Variants in IRAG1 observed in about 807,000 individuals in gnomAD.
The protein encoded by IRAG1 is inositol 1,4,5-triphosphate receptor associated 1.
IRAG1 carries 62 observed loss-of-function variants against 106.2 expected under a neutral mutation model. The observed-to-expected ratio is 0.58, with a 90% CI of 0.48 to 0.72. The LOEUF is 0.72. Among genes scored for constraint, IRAG1 ranks in the 30% least tolerant of loss-of-function variants. IRAG1 has a pLI of 0.00. For missense variants in IRAG1, 1,064 were observed against 1,140.7 expected, an observed-to-expected ratio of 0.93 and a Z score of 0.97; for synonymous variants, 462 against 443.9, an observed-to-expected ratio of 1.04 and a Z score of -0.51.
At position 10,668,896 on chromosome 11, in the gene IRAG1, C is replaced by G. The variant is rs550734824; in HGVS notation, c.68-16714G>C. Among the ~76,000 whole-genome samples the G allele has an allele frequency of 2.1e-3, 316 of 152,346 alleles. 3 individuals carry two copies. Among genetic ancestry groups the G allele is most frequent in the Non-Finnish European group, 3.6e-3 (244 of 68,026 alleles). On this transcript the variant is annotated intron_variant, in intron 1 of 20. Transcript: ENST00000423302. ...GAAGATGGGGTAAGTGCCAGCAGAC[C>G]TGGCTCTGAGGCTGCCTCCCTCCTG...
In IRAG1 at chr11:10,591,412, A is replaced by C. The variant is rs1163399593; in HGVS notation, c.2240+136T>G. ...AGGTTCTGAAATCTTTGTGGGTTTC[A>C]GACTCCCATTCATTTCCCTTAAAAC... On this transcript the variant is annotated intron_variant, in intron 18 of 20. Transcript: ENST00000423302. 8.7e-6 allele frequency: 7 copies of C among 802,106 alleles called. No individual in the cohort carries two copies. In the East Asian group the frequency reaches 1.9e-4, roughly 22 times the overall value. The allele number at this position is 802,106 out of a possible 1,614,324, so 49.7% of individuals were successfully genotyped here.
intron 4 of IRAG1, among the ~76,000 whole-genome samples, chr11:10,630,934 G>A (rs1564918027): frequency 6.6e-6 from 1 of 152,176 alleles, no homozygotes; most frequent in Non-Finnish European, 1.5e-5. Flanking sequence ...TTGGCCACAG[G>A]GATTGGCTCG....
intron 12 of IRAG1, among the ~76,000 whole-genome samples, 179 bp downstream of exon 12, chr11:10,606,563 C>T (rs577714758): frequency 1.1e-4 from 16 of 152,234 alleles, no homozygotes; most frequent in Middle Eastern, 3.4e-3. Flanking sequence ...CATGAACGGA[C>T]GTGGGAATGG....
chr11:10,654,142 G>C (rs1397815846), intron 1 of IRAG1, among the ~76,000 whole-genome samples: 2 of 152,150 alleles, frequency 1.3e-5, no homozygotes, highest in Non-Finnish European at 2.9e-5. Context: ...AATACTTGGT[G>C]TTCTTCCTGT....
chr11:10,596,762 A>G (rs1365792971), intron 15 of IRAG1, among the ~76,000 whole-genome samples: 1 of 152,200 alleles, frequency 6.6e-6, no homozygotes, highest in South Asian at 2.1e-4. Flanking sequence ...TTTTTCTTCA[A>G]CTGTGCCCAA....
intron 11 of IRAG1, 95 bp from the exon 12 acceptor site, chr11:10,606,867 G>C: frequency 8.3e-7 from 1 of 1,199,030 alleles, no homozygotes; most frequent in Non-Finnish European, 1.2e-6. Context: ...TGTTTCCAGG[G>C]GTGGAGTAAG....
At chr11:10,620,683 G>A (rs1855768248) in intron 10 of IRAG1, among the ~76,000 whole-genome samples, 1 of 152,134 alleles carries the variant, frequency 6.6e-6, no homozygotes, top group African/African-American at 2.4e-5. Flanking sequence ...GCAAACACCA[G>A]CACGGGTAAT....
rs1237401814 is a variant in IRAG1 at position 10,627,700 on chromosome 11, C to T, written c.750+16G>A. On this transcript the variant is annotated intron_variant, in intron 8 of 20. Coordinates refer to ENST00000423302, the MANE Select transcript of IRAG1 (RefSeq NM_130385.4). ...CCACACTCAAATCATCCAAAGGGAG[C>T]AAAGCTCAAACTCACAGGCTCGCCA... 6.2e-7 allele frequency: 1 copy of T among 1,613,832 alleles called. No individual in the cohort carries two copies. The highest frequency in any genetic ancestry group is 8.5e-7 in the Non-Finnish European group (1 of 1,179,872).
intron 15 of IRAG1, chr11:10,595,818 T>C (rs1029826935): frequency 2.0e-5 from 3 of 152,078 alleles, no homozygotes; most frequent in Admixed American, 1.3e-4. Context: ...GTAGACAGCA[T>C]TGATTTTTTC....
chr11:10,605,644 C>T (rs927569308), intron 12 of IRAG1, among the ~76,000 whole-genome samples: 2 of 152,208 alleles, frequency 1.3e-5, no homozygotes, highest in Admixed American at 6.5e-5. Flanking sequence ...GATTTGAAAG[C>T]CTGTTTTATT....
chr11:10,639,621 C>T (rs2134739923), intron 2 of IRAG1, among the ~76,000 whole-genome samples: 1 of 152,292 alleles, frequency 6.6e-6, no homozygotes, highest in South Asian at 2.1e-4. Flanking sequence ...CTTAACGATT[C>T]TCACGCCCCC....
intron 1 of IRAG1, among the ~76,000 whole-genome samples, chr11:10,653,113 G>A (rs10840456): frequency 0.23 from 34,509 of 152,076 alleles, 5,043 homozygotes; most frequent in East Asian, 0.79. Flanking sequence ...AGCTTAAAGT[G>A]GTGTTCTAGG....
At chr11:10,648,189 C>G (rs191410590) in intron 2 of IRAG1, among the ~76,000 whole-genome samples, 1 of 152,188 alleles carries the variant, frequency 6.6e-6, no homozygotes, top group Non-Finnish European at 1.5e-5. Context: ...CACGGCGAAA[C>G]CCCATATCTA....
intron 20 of IRAG1, among the ~76,000 whole-genome samples, chr11:10,580,056 C>T (rs975406839): frequency 6.6e-6 from 1 of 152,188 alleles, no homozygotes; most frequent in African/African-American, 2.4e-5. Context: ...TCCAGGGCTT[C>T]GAGTCAACTC....
chr11:10,687,890 AT>A, intron 1 of IRAG1: 1 of 957,960 alleles, frequency 1.0e-6, no homozygotes, highest in Non-Finnish European at 1.4e-6. Context: ...GGGGGGTGGT[AT>A]TTAACTTTGT....
At position 10,623,759 on chromosome 11, in the gene IRAG1, C is replaced by T. The variant is rs1404240744; in HGVS notation, c.1447+19G>A. 6.2e-7 allele frequency: 1 copy of T among 1,612,762 alleles called. No homozygotes were observed. The highest frequency in any genetic ancestry group is 8.5e-7 in the Non-Finnish European group (1 of 1,178,952). On this transcript the variant is annotated intron_variant, in intron 10 of 20. Coordinates refer to ENST00000423302, the MANE Select transcript of IRAG1 (RefSeq NM_130385.4). ...AAATCAGCACTCGCTGAGACAGCAT[C>T]TGCCCCAACCCCACCTACCTTTTTC...
rs1372661290 is a variant in IRAG1, at chr11:10,573,132, G to A, written c.*3200C>T. The A allele has an allele frequency of 6.6e-6, 1 of 152,228 alleles. No homozygotes were observed. The highest frequency in any genetic ancestry group is 2.4e-5 in the African/African-American group (1 of 41,448). The allele number at this position is 152,228 out of a possible 1,614,324, so 9.4% of individuals were successfully genotyped here. A position where few individuals can be genotyped will look rare whatever the true frequency, so the allele number is the denominator to read the frequency against. Reference sequence around the variant, plus strand: ...CTTTTATTTTCAAACTCAGGTATGTGACACTCTACAGTTCAATGCTAGCAC... The same window carrying A: ...CTTTTATTTTCAAACTCAGGTATGTAACACTCTACAGTTCAATGCTAGCAC... On this transcript the variant is annotated 3_prime_UTR_variant, in exon 21 of 21. Coordinates refer to ENST00000423302, the MANE Select transcript of IRAG1 (RefSeq NM_130385.4).
chr11:10,590,013 G>C (rs1043288692), intron 18 of IRAG1, among the ~76,000 whole-genome samples: 2 of 152,156 alleles, frequency 1.3e-5, no homozygotes, highest in African/African-American at 4.8e-5. Flanking sequence ...GCCTTGAGTG[G>C]CTCTGCAGGC....
intron 18 of IRAG1, among the ~76,000 whole-genome samples, chr11:10,590,551 T>G (rs756366379): frequency 5.9e-5 from 9 of 152,170 alleles, no homozygotes; most frequent in Non-Finnish European, 1.3e-4. Context: ...TAAAGCTGTC[T>G]TGAGGCAAGG....
Sources: gnomAD v4.1 joint callset for allele counts (sites outside exome capture counted in the v4.1 genomes callset) on GRCh38, gnomAD v4.1.1 for gene constraint, MANE v1.5 for transcripts, NCBI Gene and HGNC (gene_info 2026-07-23, HGNC 2026-07-21) for gene names.